PAWR: variants seen among roughly 807,000 people sequenced by gnomAD.
The protein encoded by PAWR is PRKC apoptosis WT1 regulator protein.
PAWR carries 23 observed loss-of-function variants against 32.0 expected under a neutral mutation model. That is an observed-to-expected ratio of 0.72 (90% CI 0.52 to 1.02). PAWR has a LOEUF of 1.02. PAWR is among the 50% of genes least tolerant of loss of function. The pLI is 0.00. For missense variants in PAWR, 457 were observed against 437.7 expected, an observed-to-expected ratio of 1.04 and a Z score of -0.39; for synonymous variants, 226 against 187.1, an observed-to-expected ratio of 1.21 and a Z score of -1.70.
chr12:79,666,717 T>C (rs1165353098), intron 2 of PAWR, among the ~76,000 whole-genome samples: 4 of 152,196 alleles, frequency 2.6e-5, no homozygotes, highest in Non-Finnish European at 5.9e-5. Context: ...CACAAAAATG[T>C]TATTTATATA....
At chr12:79,611,066 A>G (rs1159261841) in intron 4 of PAWR, among the ~76,000 whole-genome samples, 2 of 149,590 alleles carry the variant, frequency 1.3e-5, no homozygotes, top group African/African-American at 4.9e-5. Flanking sequence ...AATTTATAAG[A>G]GCATACATTC....
chr12:79,657,289 G>GT (rs985321285), intron 2 of PAWR, among the ~76,000 whole-genome samples: 2 of 152,082 alleles, frequency 1.3e-5, no homozygotes, highest in Non-Finnish European at 1.5e-5. Context: ...AAGGAACACG[G>GT]GTAAACTCGT....
At chr12:79,625,160 C>T (rs551554657) in intron 2 of PAWR, among the ~76,000 whole-genome samples, 1 of 152,190 alleles carries the variant, frequency 6.6e-6, no homozygotes, top group Admixed American at 6.5e-5. Context: ...GAGTCATTTG[C>T]ATTTCTTTTG....
chr12:79,675,022 C>T (rs1878093207), intron 2 of PAWR, among the ~76,000 whole-genome samples: 1 of 152,134 alleles, frequency 6.6e-6, no homozygotes, highest in African/African-American at 2.4e-5. Context: ...GAACTTAAAA[C>T]AGAACTACCA....
chr12:79,672,883 T>C (rs1877977911), intron 2 of PAWR, among the ~76,000 whole-genome samples: 1 of 152,212 alleles, frequency 6.6e-6, no homozygotes, highest in Admixed American at 6.5e-5. Context: ...CTATATTATT[T>C]GGAAGCAAAT....
At chr12:79,684,583 A>G (rs1299580587) in intron 2 of PAWR, among the ~76,000 whole-genome samples, 1 of 151,794 alleles carries the variant, frequency 6.6e-6, no homozygotes, top group East Asian at 1.9e-4. Context: ...ATGCCACTGT[A>G]CTCCAGCCTG....
chr12:79,651,551 G>C (rs914775339), intron 2 of PAWR, among the ~76,000 whole-genome samples: 1 of 152,044 alleles, frequency 6.6e-6, no homozygotes, highest in African/African-American at 2.4e-5. Flanking sequence ...CCCCTATCTA[G>C]TCTGGGCCAC....
intron 2 of PAWR, among the ~76,000 whole-genome samples, chr12:79,643,948 A>G (rs1474810891): frequency 6.6e-6 from 1 of 152,186 alleles, no homozygotes; most frequent in Non-Finnish European, 1.5e-5. Flanking sequence ...TTGGTCTGCT[A>G]TGTGTCATGC....
chr12:79,659,478 T>G (rs1565694261), intron 2 of PAWR, among the ~76,000 whole-genome samples: 1 of 152,168 alleles, frequency 6.6e-6, no homozygotes, highest in Admixed American at 6.5e-5. Flanking sequence ...CTCCTCATGT[T>G]AGCAGCCAAT....
intron 2 of PAWR, among the ~76,000 whole-genome samples, chr12:79,640,992 A>C (rs1454674513): frequency 2.0e-5 from 3 of 152,208 alleles, no homozygotes; most frequent in Non-Finnish European, 4.4e-5. Flanking sequence ...TTACATACTA[A>C]AGAAAATGAA....
At chr12:79,663,221 T>G (rs1431483327) in intron 2 of PAWR, among the ~76,000 whole-genome samples, 1 of 152,234 alleles carries the variant, frequency 6.6e-6, no homozygotes, top group Non-Finnish European at 1.5e-5. Context: ...TAAGGTTTTG[T>G]ACATGGGATA....
chr12:79,636,294 A>G (rs548252119), intron 2 of PAWR, among the ~76,000 whole-genome samples: 1 of 152,134 alleles, frequency 6.6e-6, no homozygotes, highest in South Asian at 2.1e-4. Flanking sequence ...AGAAAAAGCA[A>G]TCAATATACC....
intron 6 of PAWR, 60 bp from the exon 7 acceptor site, chr12:79,592,753 C>T (rs1268393875): frequency 6.3e-6 from 4 of 638,796 alleles, no homozygotes; most frequent in East Asian, 5.5e-5. Context: ...GAGATGAAAA[C>T]ACTTAATACA....
chr12:79,630,392 C>G (rs879754703), intron 2 of PAWR, among the ~76,000 whole-genome samples: 1 of 151,806 alleles, frequency 6.6e-6, no homozygotes, highest in Non-Finnish European at 1.5e-5. Flanking sequence ...CTCTGCCTCC[C>G]GGGTTCAAGC....
chr12:79,690,405 CAA>C lies in PAWR; in HGVS notation c.-147-16_-147-15del. On this transcript the variant is annotated splice_polypyrimidine_tract_variant and intron_variant, in intron 1 of 6. Transcript: ENST00000328827. ...CAGCCGGCGGGGCTGAGGTGAAAGA[CAA>C]AAGGGGGCGGGTAAGGGAAGCGTAA... 1 of 1,317,032 alleles carries C rather than the reference CAA, an allele frequency of 7.6e-7. No homozygotes were observed. The highest frequency in any genetic ancestry group is 1.9e-5 in the South Asian group (1 of 52,526). 81.6% of individuals were successfully genotyped at this position (1,317,032 alleles called of 1,614,324 possible). A position where few individuals can be genotyped will look rare whatever the true frequency, so the allele number is the denominator to read the frequency against.
Position 79,594,230 on chromosome 12 carries a change from A to G in PAWR, c.936+99T>C, listed in dbSNP as rs1020896933. 7 of 571,932 alleles carry G rather than the reference A, an allele frequency of 1.2e-5. No individual in the cohort carries two copies. The African/African-American group carries it at 1.4e-4, about 11-fold the overall frequency. 35.4% of individuals were successfully genotyped at this position (571,932 alleles called of 1,614,324 possible). A position where few individuals can be genotyped will look rare whatever the true frequency, so the allele number is the denominator to read the frequency against. The stretch of plus-strand genomic sequence containing the variant: ...ATTATTATTTCACTAACAAAAGAAC[A>G]AAGTGAATAATGCAATTAATAATTT... On this transcript the variant is annotated intron_variant, in intron 6 of 6. Transcript: ENST00000328827.
intron 2 of PAWR, among the ~76,000 whole-genome samples, chr12:79,637,663 A>G (rs562989251): frequency 1.3e-5 from 2 of 152,264 alleles, no homozygotes; most frequent in South Asian, 4.1e-4. Flanking sequence ...AAACGTATTA[A>G]TCTATGTTAT....
intron 4 of PAWR, among the ~76,000 whole-genome samples, chr12:79,600,026 G>A (rs190665997): frequency 6.6e-6 from 1 of 152,194 alleles, no homozygotes; most frequent in African/African-American, 2.4e-5. Context: ...ATTAAATTTT[G>A]ATCATTTTAT....
At chr12:79,669,072 A>G (rs1162946437) in intron 2 of PAWR, among the ~76,000 whole-genome samples, 1 of 152,238 alleles carries the variant, frequency 6.6e-6, no homozygotes, top group Non-Finnish European at 1.5e-5. Flanking sequence ...CAGATACATC[A>G]AAGATTTTAG....
Sources: allele counts gnomAD v4.1 joint callset (sites outside exome capture counted in the v4.1 genomes callset), GRCh38; gene constraint gnomAD v4.1.1; transcripts MANE v1.5; gene names NCBI Gene and HGNC (gene_info 2026-07-23, HGNC 2026-07-21).